PTPRN2: variants seen among roughly 807,000 people sequenced by gnomAD.
PTPRN2 encodes receptor-type tyrosine-protein phosphatase N2.
PTPRN2 carries 74 observed loss-of-function variants against 118.8 expected under a neutral mutation model. The observed-to-expected ratio is 0.62, with a 90% CI of 0.52 to 0.76. The LOEUF is 0.76. PTPRN2 is among the 30% of genes least tolerant of loss of function. The pLI, the probability that PTPRN2 is intolerant of heterozygous loss-of-function variation, is 0.00. For synonymous variants in PTPRN2, 641 were observed against 608.0 expected (o/e 1.05, Z -0.80); for missense variants, 1,481 against 1,394.4 (o/e 1.06, Z -0.99).
At chr7:158,403,061 G>T (rs1334299210) in intron 2 of PTPRN2, among the ~76,000 whole-genome samples, 1 of 152,182 alleles carries the variant, frequency 6.6e-6, no homozygotes, top group African/African-American at 2.4e-5. Context: ...GCTTCCCAGG[G>T]GGTTCATTCT....
At chr7:158,358,615 G>A (rs1808576652) in intron 2 of PTPRN2, among the ~76,000 whole-genome samples, 1 of 152,236 alleles carries the variant, frequency 6.6e-6, no homozygotes. Context: ...GACAGAATGG[G>A]ACTCAGCCTC....
intron 2 of PTPRN2, among the ~76,000 whole-genome samples, chr7:158,376,965 G>A (rs371285716): frequency 1.1e-4 from 8 of 72,532 alleles, no homozygotes; most frequent in East Asian, 5.6e-4. Context: ...CCTGTCACAC[G>A]TCCTGCACGC....
intron 3 of PTPRN2, among the ~76,000 whole-genome samples, chr7:158,314,532 C>T (rs919072303): frequency 3.3e-5 from 5 of 152,396 alleles, no homozygotes; most frequent in South Asian, 2.1e-4. Context: ...AGCACCCCAT[C>T]GCCAAACGAC....
rs1164814910 is a variant in PTPRN2 at position 158,089,559 on chromosome 7, A to T, written c.1644-8182T>A. On this transcript the variant is annotated intron_variant, in intron 10 of 22. Coordinates refer to ENST00000389418, the MANE Select transcript of PTPRN2 (RefSeq NM_002847.5). ...GATGAAAGAGGGAGTCTTCACACAA[A>T]CCTTCTTCCCCTGATGAAAGAGGGA... Among the ~76,000 whole-genome samples the T allele has an allele frequency of 5.1e-3, 570 of 111,622 alleles. 1 individual carries two copies. Among genetic ancestry groups the T allele is most frequent in the East Asian group, 0.013 (41 of 3,196 alleles). 73.2% of individuals were successfully genotyped at this position (111,622 alleles called of 152,430 possible).
intron 11 of PTPRN2, among the ~76,000 whole-genome samples, chr7:158,073,373 G>C (rs539211088): frequency 6.6e-6 from 1 of 152,174 alleles, no homozygotes; most frequent in Non-Finnish European, 1.5e-5. Flanking sequence ...CCAGGTGCCC[G>C]GGGGAGGGTG....
chr7:158,553,219 G>C (rs191263285), intron 1 of PTPRN2, among the ~76,000 whole-genome samples: 1 of 144,868 alleles, frequency 6.9e-6, no homozygotes, highest in Non-Finnish European at 1.5e-5. Context: ...TACATGAATA[G>C]GCTTTGGAGT....
intron 3 of PTPRN2, among the ~76,000 whole-genome samples, chr7:158,268,783 A>AGG (rs1228683248): frequency 9.3e-6 from 1 of 107,940 alleles, no homozygotes; most frequent in African/African-American, 4.1e-5. Flanking sequence ...TCCCAGCCGC[A>AGG]CACACACAGG....
chr7:157,748,719 G>T (rs1801220165), intron 12 of PTPRN2, among the ~76,000 whole-genome samples: 1 of 141,414 alleles, frequency 7.1e-6, no homozygotes, highest in East Asian at 2.2e-4. Flanking sequence ...TGATTCTGAG[G>T]CCTGCGTCCC....
At chr7:158,123,360 A>G (rs1817331693) in intron 9 of PTPRN2, among the ~76,000 whole-genome samples, 1 of 152,252 alleles carries the variant, frequency 6.6e-6, no homozygotes, top group African/African-American at 2.4e-5. Context: ...CAGGCGCCAC[A>G]GTATCCTACA....
intron 2 of PTPRN2, among the ~76,000 whole-genome samples, chr7:158,489,029 C>T (rs186778178): frequency 1.3e-3 from 204 of 152,388 alleles, no homozygotes; most frequent in Middle Eastern, 0.01. Flanking sequence ...CTCTGCAGGA[C>T]CCGCTGCTCG....
intron 11 of PTPRN2, among the ~76,000 whole-genome samples, chr7:157,928,572 G>C (rs538408579): frequency 1.1e-4 from 16 of 152,044 alleles, no homozygotes; most frequent in African/African-American, 3.9e-4. Context: ...AAGCCACCCA[G>C]GACACTCCCC....
rs538324618 is a variant in PTPRN2, at chr7:157,669,498, C to A, written c.2002-12947G>T. On this transcript the variant is annotated intron_variant, in intron 13 of 22. Coordinates refer to ENST00000389418, the MANE Select transcript of PTPRN2 (RefSeq NM_002847.5). ...AGCCAGGGCCACAGAGCTCTGCAGG[C>A]CCCTCCCCGCTCCTGACACACGACG... is the stretch of plus-strand genomic sequence containing the variant. The A allele has an allele frequency of 6.3e-6, 3 of 474,830 alleles. 1 individual carries two copies. Among genetic ancestry groups the A allele is most frequent in the African/African-American group, 4.0e-5 (2 of 50,596 alleles). The allele number at this position is 474,830 out of a possible 1,614,324, so 29.4% of individuals were successfully genotyped here. A position where few individuals can be genotyped will look rare whatever the true frequency, so the allele number is the denominator to read the frequency against.
At chr7:157,789,144 T>C (rs1804268034) in intron 12 of PTPRN2, among the ~76,000 whole-genome samples, 1 of 152,240 alleles carries the variant, frequency 6.6e-6, no homozygotes, top group Non-Finnish European at 1.5e-5. Context: ...AATCACTGTC[T>C]TCCGGCGGGC....
intron 2 of PTPRN2, among the ~76,000 whole-genome samples, chr7:158,353,017 A>G (rs1323026065): frequency 6.6e-6 from 1 of 152,258 alleles, no homozygotes; most frequent in Non-Finnish European, 1.5e-5. Flanking sequence ...CAGCAGGCCA[A>G]CAGATCACAC....
In PTPRN2 at chr7:157,709,602, C is replaced by T. The variant is rs376129842; in HGVS notation, c.1789-26665G>A. ...CTGTCTTCTATGGGGACTTCGACCT[C>T]GCTCCACGTTGTGCAGCCACATGGC... On this transcript the variant is annotated intron_variant, in intron 12 of 22. Coordinates refer to ENST00000389418, the MANE Select transcript of PTPRN2 (RefSeq NM_002847.5). Among the ~76,000 whole-genome samples the T allele has an allele frequency of 2.7e-3, 408 of 152,318 alleles. 3 individuals are homozygous for T. The highest frequency in any genetic ancestry group is 4.3e-3 in the Non-Finnish European group (294 of 68,038).
chr7:158,222,691 T>C (rs1014703448), intron 3 of PTPRN2, among the ~76,000 whole-genome samples: 8 of 152,128 alleles, frequency 5.3e-5, no homozygotes, highest in Non-Finnish European at 8.8e-5. Context: ...CCCATGCATA[T>C]GTACCCTCAA....
chr7:158,249,298 T>C (rs1796500075), intron 3 of PTPRN2, among the ~76,000 whole-genome samples: 1 of 148,186 alleles, frequency 6.7e-6, no homozygotes, highest in Non-Finnish European at 1.5e-5. Context: ...CATGCATACA[T>C]ATGCATATCT....
chr7:157,670,734 A>T (rs1199772946), intron 13 of PTPRN2, among the ~76,000 whole-genome samples: 1 of 152,202 alleles, frequency 6.6e-6, no homozygotes, highest in Non-Finnish European at 1.5e-5. Flanking sequence ...TGGTGCCTTC[A>T]AAGTTCACAG....
chr7:158,239,792 G>A lies in PTPRN2; in HGVS notation c.278-34519C>T, dbSNP rs148547986. ...GACGTCAGTCATTTCCTGGTGAAAT[G>A]AAAGAAAGCCACGCTTCCTCCACGC... On this transcript the variant is annotated intron_variant, in intron 3 of 22. Transcript: ENST00000389418. Among the ~76,000 whole-genome samples the A allele has an allele frequency of 3.4e-3, 518 of 152,320 alleles. 6 individuals are homozygous for A. Among genetic ancestry groups the A allele is most frequent in the African/African-American group, 0.012 (497 of 41,562 alleles).
Sources: gnomAD v4.1 joint callset for allele counts (sites outside exome capture counted in the v4.1 genomes callset) on GRCh38, gnomAD v4.1.1 for gene constraint, MANE v1.5 for transcripts, NCBI Gene and HGNC (gene_info 2026-07-23, HGNC 2026-07-21) for gene names.